The following ASIC2 variants were observed in gnomAD, a reference collection of about 807,000 sequenced individuals.
ASIC2 encodes the protein acid-sensing ion channel 2.
A neutral mutation model predicts 57.3 loss-of-function variants in ASIC2; 25 were observed. The ratio of observed to expected loss-of-function variants is 0.44; its 90% CI spans 0.32 to 0.61. The LOEUF (loss-of-function observed/expected upper bound fraction) is 0.61. Ranked by LOEUF, ASIC2 falls within the 20% of genes least tolerant of loss-of-function variation. The pLI, the probability that ASIC2 is intolerant of heterozygous loss-of-function variation, is 0.06. For missense variants in ASIC2, 641 were observed against 738.1 expected, an observed-to-expected ratio of 0.87 and a Z score of 1.52; for synonymous variants, 319 against 307.5, an observed-to-expected ratio of 1.04 and a Z score of -0.39.
chr17:33,630,629 C>G (rs1317456007), intron 1 of ASIC2, among the ~76,000 whole-genome samples: 2 of 152,042 alleles, frequency 1.3e-5, no homozygotes, highest in Non-Finnish European at 2.9e-5. Context: ...CTGACACTCC[C>G]TGCTGTGTGG....
intron 1 of ASIC2, among the ~76,000 whole-genome samples, chr17:34,075,760 T>C (rs549395309): frequency 6.6e-6 from 1 of 152,028 alleles, no homozygotes; most frequent in Non-Finnish European, 1.5e-5. Flanking sequence ...CACCGGCTGT[T>C]ATCTTGGTTC....
At chr17:33,888,787 T>C (rs1914891252) in intron 1 of ASIC2, among the ~76,000 whole-genome samples, 2 of 152,060 alleles carry the variant, frequency 1.3e-5, no homozygotes, top group South Asian at 4.2e-4. Flanking sequence ...GATCATTAAA[T>C]ATGGGGCTGT....
chr17:33,464,571 CTT>C (rs1465302358), intron 1 of ASIC2, among the ~76,000 whole-genome samples: 1 of 70,532 alleles, frequency 1.4e-5, no homozygotes, highest in Non-Finnish European at 3.1e-5. Flanking sequence ...TCTTTTCTCT[CTT>C]TCTCTCTTTA....
At position 33,875,792 on chromosome 17, in the gene ASIC2, AT is replaced by A. The variant is rs111842009; in HGVS notation, c.555+280185del. 3.2e-3 allele frequency among the ~76,000 whole-genome samples: 467 copies of A among 147,542 alleles called. 2 individuals are homozygous for A. The highest frequency in any genetic ancestry group is 8.8e-3 in the African/African-American group (355 of 40,546). On this transcript the variant is annotated intron_variant, in intron 1 of 9. Coordinates refer to the ASIC2 transcript ENST00000359872. ...CACAGGAAAATGCTTAACTGGATGGATTTTTTTTTTTTAAAGAACAATCTCC... is the reference window on the plus strand; with the variant it reads ...CACAGGAAAATGCTTAACTGGATGGATTTTTTTTTTTAAAGAACAATCTCC...
At chr17:33,648,971 G>A (rs559806081) in intron 1 of ASIC2, among the ~76,000 whole-genome samples, 2 of 152,342 alleles carry the variant, frequency 1.3e-5, no homozygotes, top group Non-Finnish European at 2.9e-5. Context: ...ACTCGATGCT[G>A]AAAGACCGAA....
At chr17:34,067,371 A>G (rs904016249) in intron 1 of ASIC2, among the ~76,000 whole-genome samples, 1 of 152,226 alleles carries the variant, frequency 6.6e-6, no homozygotes, top group Non-Finnish European at 1.5e-5. Context: ...TTTAAAGGAA[A>G]GCAAATTTTT....
intron 1 of ASIC2, among the ~76,000 whole-genome samples, chr17:33,674,476 A>T (rs1310360816): frequency 6.6e-6 from 1 of 152,234 alleles, no homozygotes; most frequent in Admixed American, 6.5e-5. Context: ...GTGCAAATCA[A>T]TGAATAATGG....
intron 3 of ASIC2, among the ~76,000 whole-genome samples, chr17:33,057,507 A>G (rs1262065627): frequency 6.6e-6 from 1 of 152,186 alleles, no homozygotes; most frequent in Non-Finnish European, 1.5e-5. Context: ...CCAATGCAAG[A>G]GTTTTAAGAT....
chr17:33,407,891 G>A (rs1388215858), intron 1 of ASIC2, among the ~76,000 whole-genome samples: 1 of 152,198 alleles, frequency 6.6e-6, no homozygotes, highest in East Asian at 1.9e-4. Flanking sequence ...GACAGGGAGT[G>A]TATTGGCTGG....
chr17:33,877,667 A>G lies in ASIC2; in HGVS notation c.555+278311T>C, dbSNP rs375136139. On this transcript the variant is annotated intron_variant, in intron 1 of 9. Coordinates refer to the ASIC2 transcript ENST00000359872. ...CAAGGAGGCCTGCCTGCCTCTGTAG[A>G]CTCCACCTCTGGGGGCAGGGCACAG... 7.5e-4 allele frequency among the ~76,000 whole-genome samples: 114 copies of G among 152,216 alleles called. 1 individual carries two copies. In the South Asian group the frequency reaches 0.023, roughly 30 times the overall value.
intron 1 of ASIC2, among the ~76,000 whole-genome samples, chr17:33,406,582 TATAAG>T (rs1449838210): frequency 6.6e-6 from 1 of 152,334 alleles, no homozygotes; most frequent in East Asian, 1.9e-4. Flanking sequence ...TTTCCTTGAT[TATAAG>T]ATGAGAATAA....
In ASIC2 at chr17:33,745,253, C is replaced by T. The variant is rs1910224239; in HGVS notation, c.555+410725G>A. On this transcript the variant is annotated intron_variant, in intron 1 of 9. Transcript: ENST00000359872. The stretch of plus-strand genomic sequence containing the variant: ...TACTACAGTTCAAGTCCAAAGGTCA[C>T]CAGGCTGAAGACCCAGGAAACAGCT... Among the ~76,000 whole-genome samples, 4 of 152,126 alleles carry T rather than the reference C, an allele frequency of 2.6e-5. No individual in the cohort carries two copies. In the South Asian group the frequency reaches 8.3e-4, roughly 32 times the overall value.
intron 1 of ASIC2, among the ~76,000 whole-genome samples, chr17:34,135,642 C>T (rs1004933429): frequency 1.1e-4 from 16 of 152,210 alleles, no homozygotes; most frequent in South Asian, 1.0e-3. Context: ...TTAATTCTTT[C>T]AGCACAGGAT....
At chr17:33,799,481 T>C (rs1460572650) in intron 1 of ASIC2, among the ~76,000 whole-genome samples, 1 of 138,068 alleles carries the variant, frequency 7.2e-6, no homozygotes, top group East Asian at 2.1e-4. Flanking sequence ...TTTCTTTCCT[T>C]CTTTCTTTCT....
intron 1 of ASIC2, chr17:34,155,909 A>T: frequency 6.6e-7 from 1 of 1,518,248 alleles, no homozygotes; most frequent in Non-Finnish European, 8.8e-7. Flanking sequence ...CCCCAAACCA[A>T]GCAGGAGACC....
At chr17:33,949,626 C>T (rs932491981) in intron 1 of ASIC2, among the ~76,000 whole-genome samples, 3 of 152,086 alleles carry the variant, frequency 2.0e-5, no homozygotes, top group East Asian at 1.9e-4. Context: ...ACAAACCATG[C>T]GTCATGTCCT....
chr17:33,579,815 T>C (rs549492574), intron 1 of ASIC2, among the ~76,000 whole-genome samples: 1 of 152,064 alleles, frequency 6.6e-6, no homozygotes, highest in Non-Finnish European at 1.5e-5. Context: ...CCCCTTGGAT[T>C]TCGGCGTCTG....
chr17:33,031,978 A>G (rs1353247139), intron 3 of ASIC2, among the ~76,000 whole-genome samples: 1 of 152,146 alleles, frequency 6.6e-6, no homozygotes, highest in Admixed American at 6.5e-5. Context: ...AACTGTCAGA[A>G]TCTTTATATA....
intron 1 of ASIC2, among the ~76,000 whole-genome samples, chr17:33,901,485 T>C (rs1373797501): frequency 6.6e-6 from 1 of 152,118 alleles, no homozygotes; most frequent in Non-Finnish European, 1.5e-5. Flanking sequence ...TCCTCCCTTA[T>C]TCCTCTTTTT....
Sources: allele counts gnomAD v4.1 joint callset (sites outside exome capture counted in the v4.1 genomes callset), GRCh38; gene constraint gnomAD v4.1.1; transcripts MANE v1.5; gene names NCBI Gene and HGNC (gene_info 2026-07-23, HGNC 2026-07-21).